Variants in CYYR1 observed in about 807,000 individuals in gnomAD.
CYYR1 encodes cysteine and tyrosine-rich protein 1.
In CYYR1, 14 loss-of-function variants were observed where a neutral mutation model predicts 15.2. The observed-to-expected ratio is 0.92, with a 90% CI of 0.61 to 1.44. The LOEUF is 1.44. Ranked by LOEUF, CYYR1 falls within the 40% of genes most tolerant of loss-of-function variation. The pLI is 0.00. For missense variants in CYYR1, 228 were observed against 209.5 expected (o/e 1.09, Z -0.54); for synonymous variants, 80 against 77.4 (o/e 1.03, Z -0.18).
chr21:26,500,403 C>G (rs1237486229), intron 2 of CYYR1, among the ~76,000 whole-genome samples: 1 of 152,090 alleles, frequency 6.6e-6, no homozygotes, highest in Admixed American at 6.6e-5. Flanking sequence ...CCTGGAAGGG[C>G]AATGGGCCAC....
chr21:26,549,246 G>A (rs1979205843), intron 2 of CYYR1, among the ~76,000 whole-genome samples: 1 of 152,006 alleles, frequency 6.6e-6, no homozygotes, highest in Non-Finnish European at 1.5e-5. Context: ...AATAAATTTT[G>A]GGGTTCTGCA....
intron 2 of CYYR1, chr21:26,551,321 C>T (rs1424020966): frequency 6.6e-6 from 1 of 152,660 alleles, no homozygotes; most frequent in African/African-American, 2.4e-5. Flanking sequence ...GTTCTGTACT[C>T]CATGGATCAC....
intron 2 of CYYR1, among the ~76,000 whole-genome samples, chr21:26,528,394 G>A (rs891277762): frequency 3.3e-5 from 5 of 152,088 alleles, no homozygotes; most frequent in African/African-American, 1.2e-4. Context: ...CCACTCTCAT[G>A]GTAAGGAGGG....
intron 3 of CYYR1, among the ~76,000 whole-genome samples, chr21:26,473,601 C>A (rs2065063228): frequency 6.6e-6 from 1 of 152,106 alleles, no homozygotes; most frequent in Admixed American, 6.5e-5. Flanking sequence ...CACAGTCTGT[C>A]ACCGCACCCT....
At position 26,573,094 on chromosome 21, in the gene CYYR1, C is replaced by A. The variant is rs763440110; in HGVS notation, c.-154G>T. 6.7e-7 allele frequency: 1 copy of A among 1,494,326 alleles called. No homozygotes were observed. Among genetic ancestry groups the A allele is most frequent in the Non-Finnish European group, 8.9e-7 (1 of 1,121,980 alleles). The allele number at this position is 1,494,326 out of a possible 1,614,324, so 92.6% of individuals were successfully genotyped here. A position where few individuals can be genotyped will look rare whatever the true frequency, so the allele number is the denominator to read the frequency against. ...GCCTAGGGAGCCTTCCAAGGGAGCCCGGGCCGGGCGCGTCCCGGGCCAGCG... is the reference window on the plus strand; with the variant it reads ...GCCTAGGGAGCCTTCCAAGGGAGCCAGGGCCGGGCGCGTCCCGGGCCAGCG... On this transcript the variant is annotated 5_prime_UTR_variant, in exon 1 of 4. Coordinates refer to ENST00000652641, the MANE Select transcript of CYYR1 (RefSeq NM_001320768.2).
chr21:26,555,746 G>A (rs976865223), intron 2 of CYYR1, among the ~76,000 whole-genome samples: 1 of 152,038 alleles, frequency 6.6e-6, no homozygotes, highest in Non-Finnish European at 1.5e-5. Context: ...ATTAGTTATG[G>A]GTGTGTACAT....
At chr21:26,538,020 ATAG>A (rs1978322584) in intron 2 of CYYR1, among the ~76,000 whole-genome samples, 1 of 152,234 alleles carries the variant, frequency 6.6e-6, no homozygotes, top group Non-Finnish European at 1.5e-5. Flanking sequence ...TTGTTTTATG[ATAG>A]CAGCCTGAAT....
At position 26,468,636 on chromosome 21, in the gene CYYR1, T is replaced by C. The variant is rs2064997165; in HGVS notation, c.335-2A>G. 1 of 1,593,340 alleles carries C rather than the reference T, an allele frequency of 6.3e-7. No homozygotes were observed. The highest frequency in any genetic ancestry group is 1.3e-5 in the African/African-American group (1 of 74,186). ...CGTGACCGTAGGGTGGTGGTCCTGC[T>C]GAAAAAGAAGGGGAAGAGAACATCA... On this transcript the variant is annotated splice_acceptor_variant, in intron 3 of 3. Coordinates refer to ENST00000652641, the MANE Select transcript of CYYR1 (RefSeq NM_001320768.2). LOFTEE classifies it high-confidence loss of function.
chr21:26,521,040 G>A (rs1053221126), intron 2 of CYYR1, among the ~76,000 whole-genome samples: 57 of 152,132 alleles, frequency 3.7e-4, no homozygotes, highest in East Asian at 1.2e-3. Context: ...CAGGGGGTGC[G>A]GAGGGAGGGA....
chr21:26,505,981 A>G (rs1476138711), intron 2 of CYYR1, among the ~76,000 whole-genome samples: 1 of 152,130 alleles, frequency 6.6e-6, no homozygotes, highest in Non-Finnish European at 1.5e-5. Flanking sequence ...TACAATATAT[A>G]CATATTAAAT....
chr21:26,519,971 G>C (rs936143809), intron 2 of CYYR1, among the ~76,000 whole-genome samples: 1 of 151,582 alleles, frequency 6.6e-6, no homozygotes, highest in African/African-American at 2.4e-5. Flanking sequence ...CAAAGACATG[G>C]AATCAACCCA....
At position 26,468,513 on chromosome 21, in the gene CYYR1, G is replaced by C. The variant is rs781224725; in HGVS notation, c.456C>G (p.Asn152Lys). The C allele has an allele frequency of 5.1e-6, 8 of 1,580,806 alleles. No homozygotes were observed. In the African/African-American group the frequency reaches 9.4e-5, roughly 19 times the overall value. Residue 152 changes from asparagine to lysine, a missense_variant, in exon 4 of 4, where the codon AAC becomes AAG. Coordinates refer to ENST00000652641, the MANE Select transcript of CYYR1 (RefSeq NM_001320768.2). ...QRSPPPPYPG[N>K]ARK ...TCTGGGAGATAGATTATTTCCTTGC[G>C]TTTCCAGGATAAGGAGGGGGTGGAG...
Position 26,468,352 on chromosome 21 carries a change from A to C in CYYR1, c.*149T>G, listed in dbSNP as rs940743068. ...CAGCTTTGAGCAGAGTAGAAATCCT[A>C]TATCTCCTAGCAGGGATATTCCACC... On this transcript the variant is annotated 3_prime_UTR_variant, in exon 4 of 4. Coordinates refer to ENST00000652641, the MANE Select transcript of CYYR1 (RefSeq NM_001320768.2). 2 of 698,804 alleles carry C rather than the reference A, an allele frequency of 2.9e-6. No homozygotes were observed. The highest frequency in any genetic ancestry group is 5.2e-6 in the Non-Finnish European group (2 of 382,942). The allele number at this position is 698,804 out of a possible 1,614,324, so 43.3% of individuals were successfully genotyped here. A position where few individuals can be genotyped will look rare whatever the true frequency, so the allele number is the denominator to read the frequency against.
At chr21:26,561,439 C>T (rs2830282) in intron 2 of CYYR1, among the ~76,000 whole-genome samples, 13,831 of 152,108 alleles carry the variant, frequency 0.091, 2,141 homozygotes, top group African/African-American at 0.31. Flanking sequence ...TCAAATGCCA[C>T]TCGAAAATAT....
chr21:26,492,099 T>A (rs1403183134), intron 2 of CYYR1, among the ~76,000 whole-genome samples: 1 of 152,202 alleles, frequency 6.6e-6, no homozygotes, highest in East Asian at 1.9e-4. Flanking sequence ...CCTCTTAGGG[T>A]CTAGCTTCGT....
chr21:26,528,753 C>T (rs2065895827), intron 2 of CYYR1, among the ~76,000 whole-genome samples: 1 of 152,012 alleles, frequency 6.6e-6, no homozygotes, highest in Non-Finnish European at 1.5e-5. Flanking sequence ...TTGGATGGTA[C>T]AATTATTTAT....
intron 3 of CYYR1, among the ~76,000 whole-genome samples, chr21:26,472,392 A>G (rs2065046864): frequency 6.6e-6 from 1 of 152,124 alleles, no homozygotes; most frequent in Non-Finnish European, 1.5e-5. Context: ...AGTAACACAT[A>G]CATTTTATTG....
intron 2 of CYYR1, among the ~76,000 whole-genome samples, chr21:26,520,250 C>T (rs935736165): frequency 6.6e-6 from 1 of 150,468 alleles, no homozygotes; most frequent in Non-Finnish European, 1.5e-5. Context: ...CCCCAACAGG[C>T]CCTGGTATGT....
intron 2 of CYYR1, among the ~76,000 whole-genome samples, chr21:26,530,760 G>A (rs2065921602): frequency 6.6e-6 from 1 of 152,136 alleles, no homozygotes; most frequent in South Asian, 2.1e-4. Context: ...ATGGTTTCCA[G>A]CTTCATCCAT....
Sources: gnomAD v4.1 joint callset for allele counts (sites outside exome capture counted in the v4.1 genomes callset) on GRCh38, gnomAD v4.1.1 for gene constraint, MANE v1.5 for transcripts, NCBI Gene and HGNC (gene_info 2026-07-23, HGNC 2026-07-21) for gene names.